GRIK1: variants seen among roughly 807,000 people sequenced by gnomAD.
The protein encoded by GRIK1 is glutamate ionotropic receptor kainate type subunit 1.
Under a neutral mutation model 105.7 loss-of-function variants are expected in GRIK1, and 69 were observed. The ratio of observed to expected loss-of-function variants is 0.65; its 90% CI spans 0.54 to 0.80. The LOEUF (loss-of-function observed/expected upper bound fraction) is 0.80. Ranked by LOEUF, GRIK1 falls within the 30% of genes least tolerant of loss-of-function variation. The pLI is 0.00. For missense variants in GRIK1, 1,109 were observed against 1,167.3 expected (o/e 0.95, Z 0.73); for synonymous variants, 438 against 431.3 (o/e 1.02, Z -0.19).
intron 1 of GRIK1, among the ~76,000 whole-genome samples, chr21:29,884,775 C>T (rs2069548636): frequency 6.6e-6 from 1 of 152,038 alleles, no homozygotes; most frequent in Admixed American, 6.6e-5. Flanking sequence ...CTAGTTAAAA[C>T]TGACACTAAA....
At chr21:29,604,876 A>T (rs1338838537) in intron 7 of GRIK1, among the ~76,000 whole-genome samples, 1 of 152,198 alleles carries the variant, frequency 6.6e-6, no homozygotes, top group East Asian at 1.9e-4. Context: ...AGGTTTCATG[A>T]ATATCTTATT....
At chr21:29,831,526 A>G (rs1569140870) in intron 1 of GRIK1, among the ~76,000 whole-genome samples, 2 of 152,166 alleles carry the variant, frequency 1.3e-5, no homozygotes, top group Admixed American at 6.5e-5. Flanking sequence ...GAAACTTTCA[A>G]TCATGGCGGA....
chr21:29,568,855 C>T (rs974645208), intron 14 of GRIK1, among the ~76,000 whole-genome samples: 3 of 152,212 alleles, frequency 2.0e-5, no homozygotes, highest in African/African-American at 7.2e-5. Flanking sequence ...GTGCTAACCT[C>T]AGTACTGACC....
intron 1 of GRIK1, among the ~76,000 whole-genome samples, chr21:29,780,214 T>C (rs1360957824): frequency 6.6e-6 from 1 of 152,228 alleles, no homozygotes; most frequent in Non-Finnish European, 1.5e-5. Flanking sequence ...TGGAATTTCC[T>C]GAAAGGTACT....
At chr21:29,776,186 C>A (rs2065939752) in intron 1 of GRIK1, among the ~76,000 whole-genome samples, 1 of 152,228 alleles carries the variant, frequency 6.6e-6, no homozygotes, top group African/African-American at 2.4e-5. Context: ...TCCCTCCACA[C>A]ATGGGATTAT....
intron 7 of GRIK1, among the ~76,000 whole-genome samples, chr21:29,602,823 T>C (rs1326761055): frequency 6.6e-6 from 1 of 152,160 alleles, no homozygotes; most frequent in Admixed American, 6.5e-5. Flanking sequence ...TGGGGAATCA[T>C]GGGGGTGTTT....
chr21:29,576,651 G>C (rs1461617143), intron 14 of GRIK1, among the ~76,000 whole-genome samples: 1 of 151,886 alleles, frequency 6.6e-6, no homozygotes, highest in African/African-American at 2.4e-5. Flanking sequence ...TGAGTGGTTA[G>C]ATTGTATTCA....
chr21:29,695,999 T>C (rs976901959), intron 1 of GRIK1, among the ~76,000 whole-genome samples: 6 of 152,232 alleles, frequency 3.9e-5, no homozygotes, highest in Non-Finnish European at 7.3e-5. Context: ...GGAACTCCAA[T>C]GGACAGACTG....
At chr21:29,923,369 C>G (rs455983) in intron 1 of GRIK1, among the ~76,000 whole-genome samples, 38,895 of 151,962 alleles carry the variant, frequency 0.26, 6,310 homozygotes, top group African/African-American at 0.46. Flanking sequence ...ACTAGAGAAA[C>G]CTAGTAAAAC....
chr21:29,863,959 A>C (rs2068726068), intron 1 of GRIK1, among the ~76,000 whole-genome samples: 1 of 151,856 alleles, frequency 6.6e-6, no homozygotes, highest in South Asian at 2.1e-4. Context: ...ACATCCCTTC[A>C]TCCTCCTGTT....
intron 7 of GRIK1, among the ~76,000 whole-genome samples, chr21:29,629,219 T>TGTGGGG (rs1555853112): frequency 2.0e-5 from 3 of 151,008 alleles, no homozygotes; most frequent in African/African-American, 7.3e-5. Context: ...TGTGTGTGTG[T>TGTGGGG]GTGTGTGTGT....
intron 7 of GRIK1, among the ~76,000 whole-genome samples, chr21:29,641,394 C>T (rs906526830): frequency 5.9e-5 from 9 of 152,106 alleles, no homozygotes; most frequent in South Asian, 2.1e-4. Flanking sequence ...ACCATGTAGA[C>T]ATGCCTTTCA....
intron 1 of GRIK1, among the ~76,000 whole-genome samples, chr21:29,734,229 T>G (rs964531775): frequency 2.6e-5 from 4 of 152,136 alleles, no homozygotes; most frequent in Non-Finnish European, 4.4e-5. Context: ...TGGCCTTCCT[T>G]TCTAGAATTA....
chr21:29,873,454 C>T (rs891002058), intron 1 of GRIK1, among the ~76,000 whole-genome samples: 1 of 152,140 alleles, frequency 6.6e-6, no homozygotes, highest in Non-Finnish European at 1.5e-5. Flanking sequence ...CTTACCTTTC[C>T]GAAGTCTTGG....
At chr21:29,703,548 C>A (rs2063851535) in intron 1 of GRIK1, among the ~76,000 whole-genome samples, 1 of 152,172 alleles carries the variant, frequency 6.6e-6, no homozygotes, top group African/African-American at 2.4e-5. Context: ...GATTTAAATT[C>A]TAAGATTCCC....
In GRIK1 at chr21:29,907,355, T is replaced by C. The variant is rs192476108; in HGVS notation, c.118+32028A>G. 6.1e-3 allele frequency among the ~76,000 whole-genome samples: 936 copies of C among 152,256 alleles called. 7 individuals are homozygous for C. Among genetic ancestry groups the C allele is most frequent in the Non-Finnish European group, 0.01 (709 of 67,974 alleles). Reference sequence around the variant, plus strand: ...AAAACCAAGAAAATTTCAAGATTTTTGTAAAATAATCAATGTTCTAGATCA... The same window carrying C: ...AAAACCAAGAAAATTTCAAGATTTTCGTAAAATAATCAATGTTCTAGATCA... On this transcript the variant is annotated intron_variant, in intron 1 of 17. Coordinates refer to ENST00000327783, the MANE Select transcript of GRIK1 (RefSeq NM_001330994.2).
At chr21:29,847,526 G>A (rs965173626) in intron 1 of GRIK1, among the ~76,000 whole-genome samples, 1 of 152,156 alleles carries the variant, frequency 6.6e-6, no homozygotes, top group East Asian at 1.9e-4. Context: ...CCTGGGAGGT[G>A]GAGGGTGCAG....
At chr21:29,621,636 G>C (rs1416808634) in intron 7 of GRIK1, among the ~76,000 whole-genome samples, 1 of 152,258 alleles carries the variant, frequency 6.6e-6, no homozygotes, top group East Asian at 1.9e-4. Context: ...CCCATGTCCA[G>C]GGGAGATACT....
intron 1 of GRIK1, among the ~76,000 whole-genome samples, chr21:29,756,829 A>G (rs2145673551): frequency 6.6e-6 from 1 of 152,252 alleles, no homozygotes; most frequent in Middle Eastern, 3.4e-3. Context: ...AATACAAACC[A>G]GTGGCCGGGC....
Sources: gnomAD v4.1 joint callset for allele counts (sites outside exome capture counted in the v4.1 genomes callset) on GRCh38, gnomAD v4.1.1 for gene constraint, MANE v1.5 for transcripts, NCBI Gene and HGNC (gene_info 2026-07-23, HGNC 2026-07-21) for gene names.